The following SLC26A3 variants were observed in gnomAD, a reference collection of about 807,000 sequenced individuals.
The protein encoded by SLC26A3 is chloride anion exchanger.
A neutral mutation model predicts 85.6 loss-of-function variants in SLC26A3; 64 were observed. The observed-to-expected ratio is 0.75, with a 90% confidence interval of 0.61 to 0.92. The LOEUF (loss-of-function observed/expected upper bound fraction) is 0.92, where lower values mean the gene tolerates loss of function less well. Among genes scored for constraint, SLC26A3 ranks in the 40% least tolerant of loss-of-function variants. SLC26A3 has a pLI of 0.00. For synonymous variants in SLC26A3, 349 were observed against 336.0 expected, an observed-to-expected ratio of 1.04 and a Z score of -0.42; for missense variants, 922 against 927.3, an observed-to-expected ratio of 0.99 and a Z score of 0.07.
chr7:107,793,390 C>G (rs1794436827), intron 3 of SLC26A3, among the ~76,000 whole-genome samples: 1 of 152,144 alleles, frequency 6.6e-6, no homozygotes, highest in South Asian at 2.1e-4. Flanking sequence ...TATGTCCATA[C>G]AACAGAATAC....
Position 107,767,439 on chromosome 7 carries a change from C to T in SLC26A3, c.2271+140G>A, listed in dbSNP as rs535384967. On this transcript the variant is annotated intron_variant, in intron 20 of 20. Coordinates refer to ENST00000340010, the MANE Select transcript of SLC26A3 (RefSeq NM_000111.3). ...CTCCCTGTGAGATTGGTTAGCATTG[C>T]TTCAGTTTTCTAGGGATGAGGCACA... is the stretch of plus-strand genomic sequence containing the variant. The T allele has an allele frequency of 2.7e-4, 191 of 699,956 alleles. No homozygotes were observed. The African/African-American group carries it at 2.9e-3, about 11-fold the overall frequency. The allele number at this position is 699,956 out of a possible 1,614,324, so 43.4% of individuals were successfully genotyped here. A position where few individuals can be genotyped will look rare whatever the true frequency, so the allele number is the denominator to read the frequency against.
At chr7:107,778,824 T>C (rs1048166131) in intron 12 of SLC26A3, among the ~76,000 whole-genome samples, 1 of 151,878 alleles carries the variant, frequency 6.6e-6, no homozygotes, top group Non-Finnish European at 1.5e-5. Context: ...AATCTGCTTC[T>C]ACAAAAAATA....
intron 11 of SLC26A3, among the ~76,000 whole-genome samples, chr7:107,781,139 A>G (rs947599495): frequency 1.3e-5 from 2 of 152,222 alleles, no homozygotes. Flanking sequence ...AGTAAAGATT[A>G]CAGAGCATTA....
At chr7:107,774,964 G>C in intron 15 of SLC26A3, 92 bp from the exon 16 acceptor site, 1 of 930,176 alleles carries the variant, frequency 1.1e-6, no homozygotes, top group Admixed American at 1.8e-5. Flanking sequence ...TGATTTGAGG[G>C]ATTGGGACAG....
In SLC26A3 at chr7:107,778,281, A is replaced by T; in HGVS notation, c.1408T>A (p.Leu470Ile). The part of the protein sequence containing the change: ...RLWRKDKYDC[L>I]IWIMTFIFTI... ...AAGATGAAGGTCATGATCCAAATTAACTGTGAAAAGAAAGCAACACATACA... is the reference window on the plus strand; with the variant it reads ...AAGATGAAGGTCATGATCCAAATTATCTGTGAAAAGAAAGCAACACATACA... The change falls in exon 13 of 21, where the codon TTA (leucine) becomes ATA (isoleucine). Residue 470 changes from leucine to isoleucine, a missense_variant and splice_region_variant. Transcript: ENST00000340010. 6.2e-7 allele frequency: 1 copy of T among 1,604,936 alleles called. No homozygotes were observed. Among genetic ancestry groups the T allele is most frequent in the Non-Finnish European group, 8.5e-7 (1 of 1,172,056 alleles).
intron 11 of SLC26A3, 96 bp from the exon 12 acceptor site, chr7:107,779,859 G>A (rs368982270): frequency 4.8e-5 from 49 of 1,014,336 alleles, no homozygotes; most frequent in East Asian, 4.3e-4. Context: ...TGCTTTAAAG[G>A]GCCTCAAAGC....
intron 16 of SLC26A3, among the ~76,000 whole-genome samples, chr7:107,774,519 G>T (rs534341063): frequency 2.0e-3 from 311 of 152,260 alleles, no homozygotes; most frequent in African/African-American, 7.2e-3. Flanking sequence ...GCACCACTGC[G>T]CTCCAGCCTA....
chr7:107,783,313 T>G lies in SLC26A3; in HGVS notation c.1011A>C (p.Gln337His). 3.7e-6 allele frequency: 6 copies of G among 1,614,198 alleles called. No homozygotes were observed. The highest frequency in any genetic ancestry group is 3.4e-6 in the Non-Finnish European group (4 of 1,180,044). ...PPITPDVETF[Q>H]NTVGDCFGIA... The stretch of plus-strand genomic sequence containing the variant: ...TGCCGAAGCAATCTCCTACGGTGTT[T>G]TGGAAAGTCTCCACGTCAGGTGTAA... The change falls in exon 9 of 21, where the codon CAA becomes CAC. Residue 337 changes from glutamine (Q) to histidine (H), a missense_variant. Transcript: ENST00000340010.
intron 20 of SLC26A3, 60 bp from the exon 21 acceptor site, chr7:107,765,938 A>G: frequency 7.0e-7 from 1 of 1,421,122 alleles, no homozygotes; most frequent in Non-Finnish European, 9.9e-7. Flanking sequence ...TACAATAATC[A>G]CATCTTAGGA....
chr7:107,788,168 A>G (rs975080339), intron 6 of SLC26A3, among the ~76,000 whole-genome samples: 2 of 152,138 alleles, frequency 1.3e-5, no homozygotes, highest in East Asian at 1.9e-4. Flanking sequence ...GTTGGTTCCA[A>G]TTTGGAGCAA....
chr7:107,775,521 T>C (rs1794097353), intron 15 of SLC26A3, among the ~76,000 whole-genome samples: 1 of 151,976 alleles, frequency 6.6e-6, no homozygotes, highest in Admixed American at 6.6e-5. Flanking sequence ...GGCCACGAGT[T>C]CAAGGCCAGC....
At chr7:107,787,002 A>C in intron 7 of SLC26A3, 93 bp from the exon 8 acceptor site, 1 of 1,061,238 alleles carries the variant, frequency 9.4e-7, no homozygotes, top group Non-Finnish European at 1.4e-6. Flanking sequence ...CCACTTCTGT[A>C]CCTGTTAAGT....
chr7:107,772,550 T>G (rs941110652), intron 17 of SLC26A3, among the ~76,000 whole-genome samples: 1 of 152,290 alleles, frequency 6.6e-6, no homozygotes, highest in African/African-American at 2.4e-5. Context: ...GTTTATACAT[T>G]TTTCTGGTCT....
At chr7:107,792,647 G>A (rs2115880991) in intron 3 of SLC26A3, among the ~76,000 whole-genome samples, 1 of 152,242 alleles carries the variant, frequency 6.6e-6, no homozygotes, top group South Asian at 2.1e-4. Flanking sequence ...CCTGCTGTGT[G>A]GCCCAGTTCT....
In SLC26A3 at chr7:107,791,132, G is replaced by A. The variant is rs1034390360; in HGVS notation, c.486C>T (p.Asn162=). 6.2e-7 allele frequency: 1 copy of A among 1,614,220 alleles called. No individual in the cohort carries two copies. The highest frequency in any genetic ancestry group is 1.1e-5 in the South Asian group (1 of 91,088). Residue 162 remains asparagine, a synonymous_variant, in exon 5 of 21, where the codon AAC becomes AAT. Transcript: ENST00000340010. ...RNATTLGLPN[N]SNNSSLLDDE... Reference sequence around the variant, plus strand: ...CATCCAGTAGTGAAGAATTATTCGAGTTGTTAGGCAATCCCAAAGTAGTTG... The same window carrying A: ...CATCCAGTAGTGAAGAATTATTCGAATTGTTAGGCAATCCCAAAGTAGTTG...
chr7:107,789,435 C>T (rs1350806172), intron 6 of SLC26A3, 89 bp downstream of exon 6: 6 of 1,324,122 alleles, frequency 4.5e-6, no homozygotes, highest in Non-Finnish European at 5.4e-6. Flanking sequence ...AGGTAAACCC[C>T]ATGGCAAAGG....
At chr7:107,769,861 A>G (rs902485265) in intron 18 of SLC26A3, among the ~76,000 whole-genome samples, 2 of 152,110 alleles carry the variant, frequency 1.3e-5, no homozygotes, top group African/African-American at 2.4e-5. Flanking sequence ...TCCTCTCCCT[A>G]AAAAGCTCCC....
intron 8 of SLC26A3, 51 bp from the exon 9 acceptor site, chr7:107,783,403 G>T (rs1794242878): frequency 1.2e-6 from 2 of 1,601,146 alleles, no homozygotes; most frequent in Non-Finnish European, 1.7e-6. Context: ...TTTATAAACT[G>T]ATATAACCAT....
chr7:107,771,901 G>A (rs1332099402), intron 18 of SLC26A3, among the ~76,000 whole-genome samples, 153 bp downstream of exon 18: 2 of 152,038 alleles, frequency 1.3e-5, no homozygotes, highest in Non-Finnish European at 2.9e-5. Flanking sequence ...CAAAGATGCT[G>A]TTTCCATAGG....
Sources: gnomAD v4.1 joint callset for allele counts (sites outside exome capture counted in the v4.1 genomes callset) on GRCh38, gnomAD v4.1.1 for gene constraint, MANE v1.5 for transcripts, NCBI Gene and HGNC (gene_info 2026-07-23, HGNC 2026-07-21) for gene names.